PAK1: variants seen among roughly 807,000 people sequenced by gnomAD.
PAK1 encodes serine/threonine-protein kinase PAK 1.
Under a neutral mutation model 67.4 loss-of-function variants are expected in PAK1, and 29 were observed. That is an observed-to-expected ratio of 0.43 (90% confidence interval 0.32 to 0.59). The LOEUF is 0.59. Ranked by LOEUF, PAK1 falls within the 20% of genes least tolerant of loss-of-function variation. The probability of loss-of-function intolerance (pLI) is 0.07; values close to 1 mark genes in which losing one functional copy is unlikely to be tolerated. For synonymous variants in PAK1, 223 were observed against 237.4 expected (o/e 0.94, Z 0.56); for missense variants, 337 against 670.7 (o/e 0.50, Z 5.50).
rs567803179 is a variant in PAK1 at position 77,399,565 on chromosome 11, A to C, written c.-21-7024T>G. On this transcript the variant is annotated intron_variant, in intron 1 of 14. Transcript: ENST00000356341. ...GTAATTTATTTTCAAATGCATTTTT[A>C]AGAAATAAGATTGGCCGGGCGCGGT... Among the ~76,000 whole-genome samples the C allele has an allele frequency of 7.2e-5, 11 of 152,312 alleles. No homozygotes were observed. The South Asian group carries it at 2.3e-3, about 32-fold the overall frequency.
At chr11:77,519,020 T>C in the PAK1 span, among the ~76,000 whole-genome samples, 1 of 152,320 alleles carries the variant, frequency 6.6e-6, no homozygotes, top group East Asian at 1.9e-4. Flanking sequence ...TATCTCTCCC[T>C]TGATACTGCA....
chr11:77,506,783 T>TA, the PAK1 span, among the ~76,000 whole-genome samples: 4 of 152,278 alleles, frequency 2.6e-5, no homozygotes, highest in African/African-American at 7.2e-5. Context: ...GGGCCAGGGA[T>TA]AACTCCCAGG....
chr11:77,526,680 G>C, the PAK1 span, among the ~76,000 whole-genome samples: 2 of 152,210 alleles, frequency 1.3e-5, no homozygotes, highest in Non-Finnish European at 2.9e-5. Context: ...CACTTTGGGA[G>C]GCTGAGGTGG....
intron 1 of PAK1, among the ~76,000 whole-genome samples, chr11:77,464,842 C>T (rs973110529): frequency 6.6e-6 from 1 of 152,288 alleles, no homozygotes; most frequent in Middle Eastern, 3.4e-3. Context: ...TTATTCAATA[C>T]TGCACTGAAA....
intron 2 of PAK1, 103 bp from the exon 3 acceptor site, chr11:77,380,097 T>C: frequency 1.4e-6 from 1 of 738,816 alleles, no homozygotes; most frequent in Non-Finnish European, 2.2e-6. Flanking sequence ...GAGGGCAAAG[T>C]CTATCTATTA....
chr11:77,362,750 A>C (rs1177391072), intron 5 of PAK1, among the ~76,000 whole-genome samples: 1 of 151,984 alleles, frequency 6.6e-6, no homozygotes, highest in East Asian at 1.9e-4. Flanking sequence ...GAAAGTGCTC[A>C]GTATAGGATT....
chr11:77,358,955 A>G lies in PAK1; in HGVS notation c.540T>C (p.Asp180=). ...CTGGTGGTGGGGTAGCATCATCATC[A>G]TCATCATCCTCATCTTCTGAAACTG... ...VPPVSEDEDD[D]DDDATPPPVI... The change falls in exon 6 of 15, where the codon GAT becomes GAC. Residue 180 remains aspartate (D), a synonymous_variant. Transcript: ENST00000356341. 1 of 1,613,548 alleles carries G rather than the reference A, an allele frequency of 6.2e-7. No individual in the cohort carries two copies. Among genetic ancestry groups the G allele is most frequent in the Non-Finnish European group, 8.5e-7 (1 of 1,179,594 alleles).
chr11:77,407,510 G>A (rs911575364), intron 1 of PAK1, among the ~76,000 whole-genome samples: 2 of 152,178 alleles, frequency 1.3e-5, no homozygotes, highest in African/African-American at 2.4e-5. Flanking sequence ...TCAGGCTATA[G>A]CATCTGAGCA....
At chr11:77,529,540 C>T in the PAK1 span, among the ~76,000 whole-genome samples, 8 of 152,160 alleles carry the variant, frequency 5.3e-5, no homozygotes, top group Admixed American at 2.0e-4. Flanking sequence ...TTCCTTGTAG[C>T]TTTTGTCCTG....
chr11:77,449,423 T>C (rs1956758583), intron 1 of PAK1, among the ~76,000 whole-genome samples: 1 of 152,160 alleles, frequency 6.6e-6, no homozygotes, highest in African/African-American at 2.4e-5. Context: ...AGCAAGACCA[T>C]TCAGTTCAAC....
At chr11:77,484,240 G>A in the PAK1 span, among the ~76,000 whole-genome samples, 1 of 151,104 alleles carries the variant, frequency 6.6e-6, no homozygotes, top group Admixed American at 6.6e-5. Flanking sequence ...AAGGAAAGCT[G>A]AGAAGATGAA....
chr11:77,399,544 T>C (rs1319189288), intron 1 of PAK1, among the ~76,000 whole-genome samples: 1 of 152,158 alleles, frequency 6.6e-6, no homozygotes, highest in African/African-American at 2.4e-5. Context: ...ATATCTGTAA[T>C]TTATTTTCAA....
At chr11:77,374,102 A>T (rs1948785516) in intron 5 of PAK1, among the ~76,000 whole-genome samples, 2 of 152,268 alleles carry the variant, frequency 1.3e-5, no homozygotes, top group African/African-American at 4.8e-5. Context: ...AAAATTAAAA[A>T]TAAAAAAATT....
intron 4 of PAK1, among the ~76,000 whole-genome samples, chr11:77,375,236 A>G (rs1007334845): frequency 3.3e-5 from 5 of 152,232 alleles, no homozygotes; most frequent in Non-Finnish European, 5.9e-5. Context: ...CATCAGCTAT[A>G]TCACTGTCAG....
At chr11:77,465,004 G>GTGTC (rs1565722515) in intron 1 of PAK1, among the ~76,000 whole-genome samples, 1 of 149,940 alleles carries the variant, frequency 6.7e-6, no homozygotes, top group African/African-American at 2.5e-5. Flanking sequence ...GTGTGTGTGT[G>GTGTC]TGTGTGTGTC....
intron 14 of PAK1, chr11:77,329,017 T>C (rs1340794182): frequency 6.6e-6 from 1 of 152,102 alleles, no homozygotes; most frequent in African/African-American, 2.4e-5. Flanking sequence ...TCTATGCAAA[T>C]CAACTAGAAA....
intron 2 of PAK1, among the ~76,000 whole-genome samples, chr11:77,385,074 T>C (rs926629926): frequency 1.1e-4 from 17 of 152,256 alleles, no homozygotes; most frequent in African/African-American, 3.9e-4. Flanking sequence ...CTTAATCTAA[T>C]AAAAGGTAAT....
At chr11:77,378,667 C>CA (rs1395074760) in intron 4 of PAK1, among the ~76,000 whole-genome samples, 22 of 152,236 alleles carry the variant, frequency 1.4e-4, no homozygotes, top group Non-Finnish European at 2.9e-5. Context: ...TTGCTCACTG[C>CA]AACTCCACCT....
chr11:77,421,903 AC>A (rs935773827), intron 1 of PAK1, among the ~76,000 whole-genome samples: 1 of 152,184 alleles, frequency 6.6e-6, no homozygotes, highest in African/African-American at 2.4e-5. Flanking sequence ...TTGCCAATCA[AC>A]CCCTCAGCAG....
Sources: gnomAD v4.1 joint callset for allele counts (sites outside exome capture counted in the v4.1 genomes callset) on GRCh38, gnomAD v4.1.1 for gene constraint, MANE v1.5 for transcripts, NCBI Gene and HGNC (gene_info 2026-07-23, HGNC 2026-07-21) for gene names.